KHDRBS2: variants seen among roughly 807,000 people sequenced by gnomAD.
KHDRBS2 encodes KH RNA binding domain containing, signal transduction associated 2, also known as KH domain-containing, RNA-binding, signal transduction-associated protein 2.
Under a neutral mutation model 44.3 loss-of-function variants are expected in KHDRBS2, and 26 were observed. The ratio of observed to expected loss-of-function variants is 0.59; its 90% CI spans 0.43 to 0.81. The LOEUF is 0.81. KHDRBS2 is among the 40% of genes least tolerant of loss of function. The pLI, the probability that KHDRBS2 is intolerant of heterozygous loss-of-function variation, is 0.00. For missense variants in KHDRBS2, 476 were observed against 433.1 expected (o/e 1.10, Z -0.88); for synonymous variants, 194 against 151.1 (o/e 1.28, Z -2.08).
intron 6 of KHDRBS2, among the ~76,000 whole-genome samples, chr6:61,738,181 A>G (rs193207024): frequency 6.6e-6 from 1 of 152,018 alleles, no homozygotes; most frequent in Non-Finnish European, 1.5e-5. Flanking sequence ...TTAAGTTATC[A>G]GTCCCAACGC....
intron 1 of KHDRBS2, among the ~76,000 whole-genome samples, chr6:62,240,400 T>C (rs1388470013): frequency 4.0e-5 from 6 of 151,878 alleles, no homozygotes; most frequent in Non-Finnish European, 7.4e-5. Context: ...TTTCCTTTAC[T>C]AGAGAAGTTT....
intron 4 of KHDRBS2, among the ~76,000 whole-genome samples, chr6:61,913,216 G>A (rs1806371124): frequency 6.6e-6 from 1 of 152,062 alleles, no homozygotes; most frequent in East Asian, 1.9e-4. Context: ...CATCCAATAA[G>A]AGAAATGATA....
rs1788104616 is a variant in KHDRBS2 at position 62,048,078 on chromosome 6, T to G, written c.220-84A>C. On this transcript the variant is annotated intron_variant, in intron 2 of 8. Transcript: ENST00000281156. ...CCAAGAGTAATTGATAGGTTATAGG[T>G]TTTCCAAACTTTACCACTGAGAAGA... 5 of 787,012 alleles carry G rather than the reference T, an allele frequency of 6.4e-6. No individual in the cohort carries two copies. In the South Asian group the frequency reaches 7.0e-5, roughly 11 times the overall value. 48.8% of individuals were successfully genotyped at this position (787,012 alleles called of 1,614,324 possible).
chr6:61,710,789 C>A (rs146643825), intron 7 of KHDRBS2, among the ~76,000 whole-genome samples: 1 of 128,528 alleles, frequency 7.8e-6, no homozygotes. Context: ...CTCATTGTAC[C>A]TGAGCTCTTT....
chr6:62,135,674 AAT>A (rs1467641642), intron 2 of KHDRBS2, among the ~76,000 whole-genome samples: 1 of 152,038 alleles, frequency 6.6e-6, no homozygotes, highest in African/African-American at 2.4e-5. Context: ...GACATATATA[AAT>A]ATATATATGT....
intron 4 of KHDRBS2, among the ~76,000 whole-genome samples, chr6:61,908,628 C>T (rs1319528499): frequency 1.3e-5 from 1 of 76,816 alleles, no homozygotes; most frequent in Non-Finnish European, 2.6e-5. Flanking sequence ...AGTGAGATTC[C>T]GTCTCAAAAA....
intron 6 of KHDRBS2, among the ~76,000 whole-genome samples, chr6:61,887,654 A>T (rs886659122): frequency 1.3e-5 from 2 of 152,180 alleles, no homozygotes; most frequent in African/African-American, 2.4e-5. Flanking sequence ...TCAGCAGGGG[A>T]GAAAGAAGTC....
chr6:62,268,042 G>A lies in KHDRBS2; in HGVS notation c.91+17816C>T, dbSNP rs551857194. 9.2e-5 allele frequency among the ~76,000 whole-genome samples: 14 copies of A among 152,100 alleles called. No homozygotes were observed. In the South Asian group the frequency reaches 2.7e-3, roughly 29 times the overall value. ...TTCTTTTCTCATAAATTTCTATAGAGGGTATTAATCCTATGGGAACACATT... is the reference window on the plus strand; with the variant it reads ...TTCTTTTCTCATAAATTTCTATAGAAGGTATTAATCCTATGGGAACACATT... On this transcript the variant is annotated intron_variant, in intron 1 of 8. Transcript: ENST00000281156.
intron 4 of KHDRBS2, among the ~76,000 whole-genome samples, chr6:61,955,450 GTATATA>G (rs1385924509): frequency 8.4e-5 from 5 of 59,594 alleles, no homozygotes; most frequent in African/African-American, 2.2e-4. Flanking sequence ...ATACATATGT[GTATATA>G]TACATATGTG....
intron 4 of KHDRBS2, among the ~76,000 whole-genome samples, chr6:61,941,202 A>G (rs964315367): frequency 3.3e-5 from 5 of 152,268 alleles, no homozygotes; most frequent in African/African-American, 1.2e-4. Context: ...GGGGGACCTG[A>G]GGTTGGGCAT....
chr6:61,587,581 C>T, the KHDRBS2 span, among the ~76,000 whole-genome samples: 1 of 152,106 alleles, frequency 6.6e-6, no homozygotes, highest in Non-Finnish European at 1.5e-5. Flanking sequence ...TCCCAGTCTT[C>T]CTCCGTGTGG....
chr6:61,599,367 G>C, the KHDRBS2 span, among the ~76,000 whole-genome samples: 1 of 152,096 alleles, frequency 6.6e-6, no homozygotes, highest in African/African-American at 2.4e-5. Flanking sequence ...TCAAGCCAAT[G>C]AGCCTGTTTT....
chr6:61,774,251 C>T (rs1337170179), intron 6 of KHDRBS2, among the ~76,000 whole-genome samples: 11 of 152,130 alleles, frequency 7.2e-5, no homozygotes, highest in Non-Finnish European at 1.2e-4. Context: ...GCCATTTTCA[C>T]GATATTGATT....
intron 3 of KHDRBS2, among the ~76,000 whole-genome samples, chr6:62,028,233 A>AT (rs1172865089): frequency 6.6e-6 from 1 of 152,124 alleles, no homozygotes; most frequent in East Asian, 1.9e-4. Context: ...TATAGAAGAA[A>AT]TGGGAGTTTT....
At chr6:62,067,853 T>C (rs1439810425) in intron 2 of KHDRBS2, among the ~76,000 whole-genome samples, 2 of 151,638 alleles carry the variant, frequency 1.3e-5, no homozygotes, top group African/African-American at 4.8e-5. Flanking sequence ...GTTTTTCCTT[T>C]AGCTTACTGT....
At chr6:61,783,668 C>T (rs1445873105) in intron 6 of KHDRBS2, among the ~76,000 whole-genome samples, 1 of 151,802 alleles carries the variant, frequency 6.6e-6, no homozygotes, top group Non-Finnish European at 1.5e-5. Flanking sequence ...TTAAGATTAT[C>T]CATGAAAAAA....
chr6:61,963,917 T>A (rs1769319528), intron 4 of KHDRBS2, among the ~76,000 whole-genome samples: 1 of 152,088 alleles, frequency 6.6e-6, no homozygotes, highest in South Asian at 2.1e-4. Context: ...TTTCTTCCTT[T>A]ACACCTAAAG....
At chr6:62,083,588 C>A (rs1439608118) in intron 2 of KHDRBS2, among the ~76,000 whole-genome samples, 1 of 152,090 alleles carries the variant, frequency 6.6e-6, no homozygotes, top group South Asian at 2.1e-4. Flanking sequence ...CCCCTAGACT[C>A]TGTTGCAGGC....
chr6:61,641,625 C>G, the KHDRBS2 span, among the ~76,000 whole-genome samples: 17 of 152,132 alleles, frequency 1.1e-4, no homozygotes, highest in Non-Finnish European at 2.1e-4. Flanking sequence ...AGCTATTTCT[C>G]TCACTGGTAT....
Sources: gnomAD v4.1 joint callset for allele counts (sites outside exome capture counted in the v4.1 genomes callset) on GRCh38, gnomAD v4.1.1 for gene constraint, MANE v1.5 for transcripts, NCBI Gene and HGNC (gene_info 2026-07-23, HGNC 2026-07-21) for gene names.